CYRIA: variants seen among roughly 807,000 people sequenced by gnomAD.
CYRIA encodes the protein CYFIP related Rac1 interactor A, also known as CYFIP-related Rac1 interactor A.
Under a neutral mutation model 43.9 loss-of-function variants are expected in CYRIA, and 15 were observed. The ratio of observed to expected loss-of-function variants is 0.34; its 90% CI spans 0.23 to 0.53. CYRIA has a LOEUF of 0.53. Among genes scored for constraint, CYRIA ranks in the 20% least tolerant of loss-of-function variants. CYRIA has a pLI of 0.94. For synonymous variants in CYRIA, 117 were observed against 136.0 expected, an observed-to-expected ratio of 0.86 and a Z score of 0.97; for missense variants, 236 against 394.2, an observed-to-expected ratio of 0.60 and a Z score of 3.40.
intron 3 of CYRIA, among the ~76,000 whole-genome samples, chr2:16,585,418 T>C (rs976089288): frequency 2.0e-5 from 3 of 152,132 alleles, no homozygotes; most frequent in Admixed American, 2.0e-4. Context: ...ATTTCCTGTG[T>C]GACTTCACCC....
At chr2:16,586,521 G>A (rs542709170) in intron 3 of CYRIA, among the ~76,000 whole-genome samples, 3 of 151,872 alleles carry the variant, frequency 2.0e-5, no homozygotes, top group African/African-American at 4.8e-5. Context: ...AACATAGCAC[G>A]CTGATTTAAA....
At chr2:16,604,025 G>A (rs749681610) in intron 2 of CYRIA, among the ~76,000 whole-genome samples, 1 of 152,326 alleles carries the variant, frequency 6.6e-6, no homozygotes, top group East Asian at 1.9e-4. Flanking sequence ...TATGCCTTGT[G>A]TGGGGCTGGG....
chr2:16,621,801 T>C (rs2103507665), intron 2 of CYRIA, among the ~76,000 whole-genome samples: 1 of 152,354 alleles, frequency 6.6e-6, no homozygotes, highest in South Asian at 2.1e-4. Flanking sequence ...TCTCTAGCTC[T>C]CTGACTTAGC....
intron 2 of CYRIA, among the ~76,000 whole-genome samples, chr2:16,619,616 C>T (rs1668929992): frequency 6.6e-6 from 1 of 152,134 alleles, no homozygotes; most frequent in Admixed American, 6.5e-5. Flanking sequence ...TTTTCTTGGT[C>T]CCCTTACCCT....
At chr2:16,648,893 T>C (rs1669891979) in intron 1 of CYRIA, among the ~76,000 whole-genome samples, 1 of 152,202 alleles carries the variant, frequency 6.6e-6, no homozygotes, top group Non-Finnish European at 1.5e-5. Context: ...CCATTCTTAG[T>C]ATCCAGTCAA....
In CYRIA at chr2:16,551,938, A is replaced by T. The variant is rs1666329946; in HGVS notation, c.*998T>A. On this transcript the variant is annotated 3_prime_UTR_variant, in exon 12 of 12. Coordinates refer to ENST00000381323, the MANE Select transcript of CYRIA (RefSeq NM_030797.4). ...AAGAGCTACTTTTTAAAAACCTGGG[A>T]AATAGAAAACATGGATTTTTTTTCC... is the stretch of plus-strand genomic sequence containing the variant. 6.6e-6 allele frequency: 1 copy of T among 152,086 alleles called. No homozygotes were observed. Among genetic ancestry groups the T allele is most frequent in the African/African-American group, 2.4e-5 (1 of 41,434 alleles). The allele number at this position is 152,086 out of a possible 1,614,324, so 9.4% of individuals were successfully genotyped here.
At chr2:16,621,313 T>C (rs535609922) in intron 2 of CYRIA, among the ~76,000 whole-genome samples, 48 of 152,290 alleles carry the variant, frequency 3.2e-4, no homozygotes, top group African/African-American at 1.1e-3. Flanking sequence ...TCTATGATGA[T>C]CAAATTAAGA....
At chr2:16,653,493 C>T (rs923007096) in intron 1 of CYRIA, among the ~76,000 whole-genome samples, 5 of 152,230 alleles carry the variant, frequency 3.3e-5, no homozygotes, top group Non-Finnish European at 7.3e-5. Context: ...GTATACCCAT[C>T]TCTGCTTCAT....
chr2:16,553,819 CAG>C (rs1419327795), intron 11 of CYRIA, among the ~76,000 whole-genome samples: 2 of 152,082 alleles, frequency 1.3e-5, no homozygotes, highest in African/African-American at 4.8e-5. Context: ...GGGCCTAGCA[CAG>C]AGTTTTGCTT....
At chr2:16,621,596 C>T (rs1199834140) in intron 2 of CYRIA, among the ~76,000 whole-genome samples, 1 of 152,216 alleles carries the variant, frequency 6.6e-6, no homozygotes, top group South Asian at 2.1e-4. Flanking sequence ...ACAGGCTCCT[C>T]ATTCCTTCTG....
chr2:16,582,253 T>G (rs964396289), intron 3 of CYRIA, among the ~76,000 whole-genome samples: 2 of 152,146 alleles, frequency 1.3e-5, no homozygotes, highest in Non-Finnish European at 2.9e-5. Flanking sequence ...AAATAATATA[T>G]TCTGTGATGA....
intron 1 of CYRIA, among the ~76,000 whole-genome samples, chr2:16,630,739 C>A (rs1387891854): frequency 1.3e-5 from 2 of 152,194 alleles, no homozygotes; most frequent in Non-Finnish European, 2.9e-5. Context: ...AGGAGACCAG[C>A]TTCCTCTTCT....
chr2:16,565,074 C>T (rs1460506458), intron 4 of CYRIA, among the ~76,000 whole-genome samples: 3 of 151,980 alleles, frequency 2.0e-5, no homozygotes, highest in Non-Finnish European at 2.9e-5. Context: ...AATGTGAGTC[C>T]TGCAATATCA....
chr2:16,622,298 T>C (rs973621800), intron 2 of CYRIA, among the ~76,000 whole-genome samples: 1 of 152,200 alleles, frequency 6.6e-6, no homozygotes, highest in Admixed American at 6.5e-5. Flanking sequence ...AACCTTCCAA[T>C]GGCCAGGCTG....
chr2:16,604,947 T>C (rs1356839753), intron 2 of CYRIA, among the ~76,000 whole-genome samples: 1 of 152,168 alleles, frequency 6.6e-6, no homozygotes, highest in African/African-American at 2.4e-5. Context: ...TAAAAATGAG[T>C]TAATGGCTAA....
intron 1 of CYRIA, among the ~76,000 whole-genome samples, chr2:16,634,519 A>G (rs557783104): frequency 2.0e-5 from 3 of 152,300 alleles, no homozygotes; most frequent in East Asian, 1.9e-4. Flanking sequence ...AATTCCTTCA[A>G]TGGAAAGACT....
chr2:16,605,118 G>A (rs963653828), intron 2 of CYRIA, among the ~76,000 whole-genome samples: 4 of 41,560 alleles, frequency 9.6e-5, no homozygotes, highest in African/African-American at 2.1e-4. Context: ...GGCAATTCAC[G>A]GGAATTCTAA....
At chr2:16,614,038 T>G (rs2103495546) in intron 2 of CYRIA, among the ~76,000 whole-genome samples, 1 of 152,318 alleles carries the variant, frequency 6.6e-6, no homozygotes. Flanking sequence ...CTGAATCAAC[T>G]TCACTCAAGT....
intron 1 of CYRIA, among the ~76,000 whole-genome samples, chr2:16,628,781 C>T (rs1669238097): frequency 2.0e-5 from 3 of 152,172 alleles, no homozygotes; most frequent in Admixed American, 2.0e-4. Context: ...TGGGCAATGC[C>T]TTGCTTCCCA....
Sources: gnomAD v4.1 joint callset for allele counts (sites outside exome capture counted in the v4.1 genomes callset) on GRCh38, gnomAD v4.1.1 for gene constraint, MANE v1.5 for transcripts, NCBI Gene and HGNC (gene_info 2026-07-23, HGNC 2026-07-21) for gene names.